DCC: variants seen among roughly 807,000 people sequenced by gnomAD.
The protein encoded by DCC is netrin receptor DCC.
A neutral mutation model predicts 172.5 loss-of-function variants in DCC; 58 were observed. That is an observed-to-expected ratio of 0.34 (90% CI 0.27 to 0.42). DCC has a LOEUF of 0.42. DCC is among the 10% of genes least tolerant of loss of function. DCC has a pLI of 1.00. For missense variants in DCC, 1,740 were observed against 1,791.0 expected (o/e 0.97, Z 0.51); for synonymous variants, 709 against 644.5 (o/e 1.10, Z -1.52).
chr18:52,948,400 C>A (rs1307509808), intron 5 of DCC, among the ~76,000 whole-genome samples: 1 of 152,006 alleles, frequency 6.6e-6, no homozygotes, highest in Admixed American at 6.5e-5. Context: ...TGATATTGAA[C>A]AATGATATTG....
At chr18:52,341,928 C>A (rs1983654212) in intron 1 of DCC, among the ~76,000 whole-genome samples, 1 of 152,124 alleles carries the variant, frequency 6.6e-6, no homozygotes, top group Admixed American at 6.5e-5. Flanking sequence ...AAAGGAAAAA[C>A]AGGCTCAGGC....
intron 12 of DCC, among the ~76,000 whole-genome samples, chr18:53,279,971 AAAAC>A (rs909616682): frequency 6.6e-6 from 1 of 152,112 alleles, no homozygotes; most frequent in African/African-American, 2.4e-5. Context: ...ATAGTAAAAA[AAAAC>A]TACCGTTGAG....
chr18:52,700,120 C>T (rs1831737367), intron 1 of DCC, among the ~76,000 whole-genome samples: 2 of 152,068 alleles, frequency 1.3e-5, no homozygotes, highest in African/African-American at 4.8e-5. Context: ...TCTGCTCTCT[C>T]GTTTGCGCTC....
intron 1 of DCC, among the ~76,000 whole-genome samples, chr18:52,526,732 G>A (rs952880705): frequency 6.6e-6 from 1 of 152,070 alleles, no homozygotes; most frequent in Non-Finnish European, 1.5e-5. Context: ...AACTACAGAA[G>A]GACATGGGCT....
chr18:52,340,565 G>C lies in DCC; in HGVS notation c.-223G>C, dbSNP rs1474083977. The C allele has an allele frequency of 3.3e-6, 2 of 614,080 alleles. No homozygotes were observed. Among genetic ancestry groups the C allele is most frequent in the Admixed American group, 5.3e-5 (2 of 37,826 alleles). The allele number at this position is 614,080 out of a possible 1,614,324, so 38.0% of individuals were successfully genotyped here. On this transcript the variant is annotated 5_prime_UTR_variant, in exon 1 of 29. Transcript: ENST00000442544. ...CTTGGACCGAATGGAACTTTTTGCT[G>C]CCTGCTTTTGCTGCTGATTCTGTCA...
At position 53,158,347 on chromosome 18, in the gene DCC, C is replaced by T. The variant is rs142585940; in HGVS notation, c.1418+835C>T. Among the ~76,000 whole-genome samples, 862 of 152,216 alleles carry T rather than the reference C, an allele frequency of 5.7e-3. 4 individuals are homozygous for T. The highest frequency in any genetic ancestry group is 0.041 in the Middle Eastern group (12 of 290). On this transcript the variant is annotated intron_variant, in intron 8 of 28. Coordinates refer to ENST00000442544, the MANE Select transcript of DCC (RefSeq NM_005215.4). ...TGCATTTTTTTCTCAACATTTTCCC[C>T]TTAAGATATTTCACCATCTTATGAC...
intron 9 of DCC, among the ~76,000 whole-genome samples, chr18:53,181,419 T>TC (rs1047387440): frequency 1.3e-5 from 2 of 151,688 alleles, no homozygotes; most frequent in African/African-American, 2.4e-5. Flanking sequence ...TTCTTTTTTT[T>TC]TTTTTTTTAA....
intron 5 of DCC, among the ~76,000 whole-genome samples, chr18:53,048,350 C>T (rs1257438178): frequency 2.6e-5 from 4 of 151,688 alleles, no homozygotes; most frequent in Non-Finnish European, 5.9e-5. Flanking sequence ...TTGTTTAGCT[C>T]CCGCTTATAA....
chr18:52,523,120 G>C (rs1359791832), intron 1 of DCC, among the ~76,000 whole-genome samples: 1 of 152,156 alleles, frequency 6.6e-6, no homozygotes, highest in Admixed American at 6.5e-5. Flanking sequence ...CTTATTCCCA[G>C]ATCTGCCATT....
chr18:53,004,248 T>A (rs1018167056), intron 5 of DCC, among the ~76,000 whole-genome samples: 1 of 152,188 alleles, frequency 6.6e-6, no homozygotes, highest in Non-Finnish European at 1.5e-5. Context: ...ATATGGAGCT[T>A]TTATCAGATT....
intron 1 of DCC, among the ~76,000 whole-genome samples, chr18:52,510,182 C>A (rs1220464864): frequency 2.0e-5 from 3 of 151,816 alleles, no homozygotes; most frequent in Non-Finnish European, 4.4e-5. Context: ...ACTCCTTGGT[C>A]CATTCAGCTT....
intron 1 of DCC, among the ~76,000 whole-genome samples, chr18:52,717,846 C>A (rs948859653): frequency 6.6e-6 from 1 of 152,146 alleles, no homozygotes; most frequent in Non-Finnish European, 1.5e-5. Context: ...AGTCCACATA[C>A]ATAAAATTCA....
intron 5 of DCC, among the ~76,000 whole-genome samples, chr18:52,975,358 C>T (rs1568221860): frequency 6.6e-6 from 1 of 152,104 alleles, no homozygotes; most frequent in African/African-American, 2.4e-5. Flanking sequence ...GGACTCTACT[C>T]TTTTTTTAAC....
intron 1 of DCC, among the ~76,000 whole-genome samples, chr18:52,426,360 A>G (rs905767169): frequency 6.7e-6 from 1 of 148,612 alleles, no homozygotes; most frequent in Non-Finnish European, 1.5e-5. Flanking sequence ...GCTCTACCCC[A>G]TTTGACATCT....
intron 1 of DCC, among the ~76,000 whole-genome samples, chr18:52,650,361 T>G (rs760876054): frequency 6.6e-6 from 1 of 152,100 alleles, no homozygotes; most frequent in Non-Finnish European, 1.5e-5. Flanking sequence ...GAGGATGAGA[T>G]GAGAGTAAGG....
chr18:53,490,036 T>G (rs1338391103), intron 26 of DCC, among the ~76,000 whole-genome samples: 1 of 152,208 alleles, frequency 6.6e-6, no homozygotes, highest in Non-Finnish European at 1.5e-5. Flanking sequence ...AGGAGCAGTT[T>G]AAGTGATTTC....
At chr18:53,026,694 T>G (rs868238258) in intron 5 of DCC, among the ~76,000 whole-genome samples, 10 of 152,214 alleles carry the variant, frequency 6.6e-5, no homozygotes, top group South Asian at 2.1e-4. Flanking sequence ...TAGCTGGAAC[T>G]GCAGGTGCGT....
At position 52,878,764 on chromosome 18, in the gene DCC, A is replaced by T. The variant is rs949811490; in HGVS notation, c.413-27280A>T. Among the ~76,000 whole-genome samples, 4 of 152,328 alleles carry T rather than the reference A, an allele frequency of 2.6e-5. No homozygotes were observed. In the East Asian group the frequency reaches 7.7e-4, roughly 29 times the overall value. ...GTGACTGGAGTAGTTTCTGGCACAG[A>T]GTAGGTGTTCAATAAACAATTGTTG... On this transcript the variant is annotated intron_variant, in intron 2 of 28. Transcript: ENST00000442544.
intron 2 of DCC, among the ~76,000 whole-genome samples, chr18:52,786,312 G>A (rs1412335615): frequency 6.6e-6 from 1 of 151,982 alleles, no homozygotes; most frequent in Non-Finnish European, 1.5e-5. Flanking sequence ...CTTCCAAGCT[G>A]CAGGAAATCA....
Sources: gnomAD v4.1 joint callset for allele counts (sites outside exome capture counted in the v4.1 genomes callset) on GRCh38, gnomAD v4.1.1 for gene constraint, MANE v1.5 for transcripts, NCBI Gene and HGNC (gene_info 2026-07-23, HGNC 2026-07-21) for gene names.